The following NRG3 variants were observed in gnomAD, a reference collection of about 807,000 sequenced individuals.
NRG3 encodes neuregulin 3.
In NRG3, 31 loss-of-function variants were observed where a neutral mutation model predicts 66.9. The observed-to-expected ratio is 0.46, with a 90% confidence interval of 0.35 to 0.63. NRG3 has a LOEUF of 0.63. NRG3 is among the 20% of genes least tolerant of loss of function. The pLI is 0.00. For synonymous variants in NRG3, 393 were observed against 359.4 expected (o/e 1.09, Z -1.06); for missense variants, 910 against 878.9 (o/e 1.04, Z -0.45).
rs71471761 is a variant in NRG3, at chr10:82,919,062, AGTGTGTGTGTGTGT to A, written c.1055-32382_1055-32369del. Reference sequence around the variant, plus strand: ...TGGTAGGTAAGCTGAATAGGGGTGGAGTGTGTGTGTGTGTGTGTGTGTGTGTGTGTGTGTGTGTA... The same window carrying A: ...TGGTAGGTAAGCTGAATAGGGGTGGAGTGTGTGTGTGTGTGTGTGTGTGTA... On this transcript the variant is annotated intron_variant, in intron 4 of 8. Transcript: ENST00000372141. Among the ~76,000 whole-genome samples, 6 of 141,750 alleles carry A rather than the reference AGTGTGTGTGTGTGT, an allele frequency of 4.2e-5. No homozygotes were observed. The South Asian group carries it at 9.3e-4, about 22-fold the overall frequency. 93.0% of individuals were successfully genotyped at this position (141,750 alleles called of 152,430 possible).
At chr10:82,977,395 G>A (rs943306126) in intron 7 of NRG3, among the ~76,000 whole-genome samples, 2 of 152,004 alleles carry the variant, frequency 1.3e-5, no homozygotes, top group Non-Finnish European at 2.9e-5. Flanking sequence ...GATCACCTGA[G>A]GTCAGGAGTT....
intron 2 of NRG3, among the ~76,000 whole-genome samples, chr10:82,621,715 G>A (rs2049051369): frequency 6.6e-6 from 1 of 152,158 alleles, no homozygotes; most frequent in South Asian, 2.1e-4. Flanking sequence ...CTGCTTTTGT[G>A]ACGGAATCAA....
intron 1 of NRG3, among the ~76,000 whole-genome samples, chr10:82,217,271 T>C (rs1212828675): frequency 1.3e-5 from 2 of 152,184 alleles, no homozygotes; most frequent in Non-Finnish European, 2.9e-5. Context: ...TGTAAGCTGG[T>C]AGTTAGTGTG....
intron 1 of NRG3, among the ~76,000 whole-genome samples, chr10:82,239,913 T>C (rs2076933054): frequency 6.6e-6 from 1 of 152,198 alleles, no homozygotes; most frequent in Non-Finnish European, 1.5e-5. Context: ...AAAAGAAACT[T>C]ATTTTTAACT....
At chr10:81,897,342 G>T (rs767779108) in intron 1 of NRG3, among the ~76,000 whole-genome samples, 3 of 152,168 alleles carry the variant, frequency 2.0e-5, no homozygotes, top group Admixed American at 6.5e-5. Context: ...CACTCTGGAT[G>T]CTGTGTGGAA....
At chr10:82,202,553 T>C (rs1040062854) in intron 1 of NRG3, among the ~76,000 whole-genome samples, 14 of 152,228 alleles carry the variant, frequency 9.2e-5, no homozygotes, top group East Asian at 1.9e-4. Flanking sequence ...CATTATTTTC[T>C]ATTTTACAAA....
chr10:82,663,463 T>A (rs1337430322), intron 2 of NRG3, among the ~76,000 whole-genome samples: 1 of 152,196 alleles, frequency 6.6e-6, no homozygotes, highest in Admixed American at 6.5e-5. Context: ...GTATCTTTTT[T>A]TAACAATAGC....
chr10:82,493,683 A>T (rs1156342388), intron 2 of NRG3, among the ~76,000 whole-genome samples: 1 of 152,178 alleles, frequency 6.6e-6, no homozygotes, highest in African/African-American at 2.4e-5. Context: ...GGACATAGGG[A>T]TGGGCAAAGA....
intron 1 of NRG3, among the ~76,000 whole-genome samples, chr10:81,962,432 G>T (rs1338692251): frequency 6.6e-6 from 1 of 152,034 alleles, no homozygotes; most frequent in Non-Finnish European, 1.5e-5. Context: ...AATGTATAGG[G>T]TTTCTATACC....
At chr10:82,017,937 A>G (rs2061865418) in intron 1 of NRG3, among the ~76,000 whole-genome samples, 1 of 152,064 alleles carries the variant, frequency 6.6e-6, no homozygotes, top group Non-Finnish European at 1.5e-5. Flanking sequence ...GAAGCTCTTT[A>G]GTTTAATTAG....
intron 6 of NRG3, among the ~76,000 whole-genome samples, chr10:82,971,043 G>A (rs1382034567): frequency 6.6e-6 from 1 of 152,144 alleles, no homozygotes; most frequent in Non-Finnish European, 1.5e-5. Context: ...AGGGAAAGGG[G>A]AGCAGGTGTC....
chr10:82,189,263 A>G (rs755845608), intron 1 of NRG3, among the ~76,000 whole-genome samples: 2 of 152,182 alleles, frequency 1.3e-5, no homozygotes, highest in Non-Finnish European at 2.9e-5. Context: ...GAGAAAATAA[A>G]TCAGAGATTT....
Position 81,893,105 on chromosome 10 carries a change from A to T in NRG3, c.823+16942A>T, listed in dbSNP as rs879879569. ...GATTTTCACTATAGGAAATTAGAAA[A>T]TATAAGTAATAAACGGAAAGTAAAA... On this transcript the variant is annotated intron_variant, in intron 1 of 8. Coordinates refer to ENST00000372141, the MANE Select transcript of NRG3 (RefSeq NM_001010848.4). Among the ~76,000 whole-genome samples, 30 of 152,230 alleles carry T rather than the reference A, an allele frequency of 2.0e-4. 1 individual carries two copies. The highest frequency in any genetic ancestry group is 1.4e-3 in the Admixed American group (22 of 15,290).
chr10:82,357,364 T>C (rs972651800), intron 1 of NRG3, among the ~76,000 whole-genome samples: 1 of 152,246 alleles, frequency 6.6e-6, no homozygotes, highest in African/African-American at 2.4e-5. Context: ...TCGCTCACCA[T>C]CAGTTGTGAC....
At chr10:82,641,602 A>G (rs543713626) in intron 2 of NRG3, among the ~76,000 whole-genome samples, 2 of 152,140 alleles carry the variant, frequency 1.3e-5, no homozygotes, top group African/African-American at 2.4e-5. Context: ...TCATGATCCA[A>G]CCTGGAGCCC....
In NRG3 at chr10:82,832,804, T is replaced by TTGTGTGTGTGTGTGTGTG. The variant is rs139438548; in HGVS notation, c.1028-32593_1028-32576dup. On this transcript the variant is annotated intron_variant, in intron 3 of 8. Coordinates refer to ENST00000372141, the MANE Select transcript of NRG3 (RefSeq NM_001010848.4). ...ACAGACAGAAGAGGTATGCATGTAA[T>TTGTGTGTGTGTGTGTGTG]TGTGTGTGTGTGTGTGTGTGTGTGT... is the stretch of plus-strand genomic sequence containing the variant. Among the ~76,000 whole-genome samples the TTGTGTGTGTGTGTGTGTG allele has an allele frequency of 2.6e-3, 387 of 147,982 alleles. 1 individual carries two copies. Among genetic ancestry groups the TTGTGTGTGTGTGTGTGTG allele is most frequent in the African/African-American group, 9.1e-3 (368 of 40,368 alleles).
chr10:81,988,567 C>T (rs1056777129), intron 1 of NRG3, among the ~76,000 whole-genome samples: 3 of 152,150 alleles, frequency 2.0e-5, no homozygotes, highest in African/African-American at 7.2e-5. Context: ...CAATCCAATA[C>T]ATTGAGCTCA....
chr10:82,014,636 G>A (rs1327663171), intron 1 of NRG3, among the ~76,000 whole-genome samples: 2 of 152,142 alleles, frequency 1.3e-5, no homozygotes, highest in Non-Finnish European at 2.9e-5. Flanking sequence ...ATTGAAGAAC[G>A]GGCATGATGT....
At chr10:81,979,087 G>A (rs767822005) in intron 1 of NRG3, among the ~76,000 whole-genome samples, 29 of 151,704 alleles carry the variant, frequency 1.9e-4, no homozygotes, top group Non-Finnish European at 2.6e-4. Flanking sequence ...TACTTGGGAG[G>A]CTGAGGCAGG....
Sources: allele counts gnomAD v4.1 joint callset (sites outside exome capture counted in the v4.1 genomes callset), GRCh38; gene constraint gnomAD v4.1.1; transcripts MANE v1.5; gene names NCBI Gene and HGNC (gene_info 2026-07-23, HGNC 2026-07-21).